XCR1: variants seen among roughly 807,000 people sequenced by gnomAD.
XCR1 encodes the protein chemokine XC receptor 1.
For synonymous variants in XCR1, 187 were observed against 188.5 expected (o/e 0.99, Z 0.06); for missense variants, 356 against 424.2 (o/e 0.84, Z 1.41).
chr3:46,051,093 C>T (rs1479067613), intron 5 of XCR1, among the ~76,000 whole-genome samples: 6 of 152,124 alleles, frequency 3.9e-5, no homozygotes, highest in Admixed American at 6.5e-5. Flanking sequence ...AGGGCTTAGG[C>T]GGAGGAGAAA....
At chr3:46,056,266 T>C (rs9311383) in intron 4 of XCR1, among the ~76,000 whole-genome samples, 112,050 of 152,058 alleles carry the variant, frequency 0.74, 41,676 homozygotes, top group East Asian at 0.99. Flanking sequence ...TGGCCTCAAA[T>C]TCCTGACCTC....
intron 3 of XCR1, among the ~76,000 whole-genome samples, chr3:46,073,067 T>C (rs1214792155): frequency 1.3e-5 from 2 of 152,180 alleles, no homozygotes; most frequent in East Asian, 1.9e-4. Context: ...TGAATTGCGA[T>C]ATGCAGAAGA....
chr3:46,059,701 CT>C (rs1248543736), intron 4 of XCR1, among the ~76,000 whole-genome samples: 2 of 152,160 alleles, frequency 1.3e-5, no homozygotes, highest in African/African-American at 2.4e-5. Flanking sequence ...TGGCTGAGGA[CT>C]GAATACTCAT....
chr3:46,036,733 A>AT (rs1427039931), intron 5 of XCR1, among the ~76,000 whole-genome samples: 1 of 152,184 alleles, frequency 6.6e-6, no homozygotes, highest in East Asian at 1.9e-4. Flanking sequence ...CTTTGTAGGA[A>AT]TTTTTTAATA....
intron 1 of XCR1, among the ~76,000 whole-genome samples, chr3:46,083,151 G>A (rs1026974868): frequency 3.3e-5 from 5 of 152,300 alleles, no homozygotes; most frequent in African/African-American, 4.8e-5. Context: ...AATCCATGAT[G>A]TTGTTAGAAA....
chr3:46,070,619 A>G (rs1698148304), intron 3 of XCR1, among the ~76,000 whole-genome samples: 1 of 151,714 alleles, frequency 6.6e-6, no homozygotes. Flanking sequence ...GTTTGTGTGG[A>G]ATATCTTTTT....
intron 5 of XCR1, among the ~76,000 whole-genome samples, chr3:46,038,611 C>T (rs1575417935): frequency 6.6e-6 from 1 of 152,216 alleles, no homozygotes; most frequent in East Asian, 1.9e-4. Flanking sequence ...TTTGTCAAGC[C>T]TCCAAAAATT....
chr3:46,062,215 G>A (rs1204544367), intron 4 of XCR1, among the ~76,000 whole-genome samples: 1 of 152,192 alleles, frequency 6.6e-6, no homozygotes, highest in African/African-American at 2.4e-5. Context: ...AGCAGGACCA[G>A]TGGATGTGAG....
intron 5 of XCR1, among the ~76,000 whole-genome samples, chr3:46,038,059 GCT>G (rs1252091733): frequency 7.4e-6 from 1 of 135,054 alleles, no homozygotes. Context: ...AGGGAGTCTT[GCT>G]CTGTCACCCA....
chr3:46,056,660 T>A (rs113595923), intron 4 of XCR1, among the ~76,000 whole-genome samples: 240 of 72,830 alleles, frequency 3.3e-3, no homozygotes, highest in East Asian at 6.6e-3. Flanking sequence ...TTATTTATTT[T>A]TTTTTTTGTA....
intron 4 of XCR1, among the ~76,000 whole-genome samples, chr3:46,064,920 C>T (rs1698034411): frequency 3.3e-5 from 5 of 151,908 alleles, no homozygotes; most frequent in Admixed American, 2.6e-4. Context: ...GGAGAAACCC[C>T]GTCTCTACTA....
chr3:46,081,481 T>A (rs945694646), intron 1 of XCR1, among the ~76,000 whole-genome samples: 4 of 152,184 alleles, frequency 2.6e-5, no homozygotes, highest in Non-Finnish European at 4.4e-5. Context: ...TATTAAGAAC[T>A]CAAAATTAAT....
intron 3 of XCR1, among the ~76,000 whole-genome samples, chr3:46,073,916 A>T (rs1698207789): frequency 1.3e-5 from 2 of 152,052 alleles, no homozygotes; most frequent in Non-Finnish European, 2.9e-5. Flanking sequence ...TAAAAAAAAA[A>T]AACCCAACAG....
chr3:46,030,067 GT>G (rs1229724793), upstream of XCR1, among the ~76,000 whole-genome samples: 1 of 149,140 alleles, frequency 6.7e-6, no homozygotes, highest in Non-Finnish European at 1.5e-5. Flanking sequence ...TGTTTTTTTG[GT>G]GGATTCTTTC....
At chr3:46,028,040 C>T (rs535270103), upstream of XCR1, among the ~76,000 whole-genome samples, 2 of 152,308 alleles carry the variant, frequency 1.3e-5, no homozygotes, top group East Asian at 1.9e-4. Context: ...CCAATCAGCA[C>T]GTATTTCCTC....
At chr3:46,057,894 A>ATCTG (rs1387570911) in intron 4 of XCR1, among the ~76,000 whole-genome samples, 1 of 120,228 alleles carries the variant, frequency 8.3e-6, no homozygotes, top group South Asian at 2.7e-4. Context: ...CTATCTATCT[A>ATCTG]TCTATCTATC....
rs1333303292 is a variant in XCR1 at position 46,018,752 on chromosome 3, G to A, written c.*2194C>T. 1 of 152,214 alleles carries A rather than the reference G, an allele frequency of 6.6e-6. No individual in the cohort carries two copies. Among genetic ancestry groups the A allele is most frequent in the Non-Finnish European group, 1.5e-5 (1 of 68,044 alleles). The allele number at this position is 152,214 out of a possible 1,614,324, so 9.4% of individuals were successfully genotyped here. ...TGAAGTTGCATCTGGAACTGAAGGG[G>A]AAATGCCTTACAAGCTCTCTCTAGG... On this transcript the variant is annotated 3_prime_UTR_variant, in exon 2 of 2. Coordinates refer to ENST00000309285, the MANE Select transcript of XCR1 (RefSeq NM_001024644.2).
At chr3:46,084,641 A>G (rs548080424) in intron 1 of XCR1, among the ~76,000 whole-genome samples, 6 of 152,324 alleles carry the variant, frequency 3.9e-5, no homozygotes, top group African/African-American at 1.4e-4. Flanking sequence ...TTAAAAATCC[A>G]CTTGTACAGA....
chr3:46,080,901 T>C (rs1429912506), intron 1 of XCR1, among the ~76,000 whole-genome samples: 2 of 152,178 alleles, frequency 1.3e-5, no homozygotes, highest in Non-Finnish European at 2.9e-5. Context: ...AACTCCTTCA[T>C]AGGTTACAGG....
Sources: allele counts gnomAD v4.1 joint callset (sites outside exome capture counted in the v4.1 genomes callset), GRCh38; gene constraint gnomAD v4.1.1; transcripts MANE v1.5; gene names NCBI Gene and HGNC (gene_info 2026-07-23, HGNC 2026-07-21).